The following FGGY variants were observed in gnomAD, a reference collection of about 807,000 sequenced individuals.
FGGY encodes the protein FGGY carbohydrate kinase domain-containing protein.
A neutral mutation model predicts 71.3 loss-of-function variants in FGGY; 72 were observed. That is an observed-to-expected ratio of 1.01 (90% CI 0.84 to 1.23). The LOEUF (loss-of-function observed/expected upper bound fraction) is 1.23. Ranked by LOEUF, FGGY falls within the 50% of genes most tolerant of loss-of-function variation. The pLI is 0.00. For synonymous variants in FGGY, 251 were observed against 250.3 expected (o/e 1.00, Z -0.02); for missense variants, 668 against 682.3 (o/e 0.98, Z 0.23).
chr1:59,371,029 AT>A (rs1388936466), intron 4 of FGGY, among the ~76,000 whole-genome samples: 2 of 151,968 alleles, frequency 1.3e-5, no homozygotes, highest in Non-Finnish European at 2.9e-5. Flanking sequence ...TAACATCATA[AT>A]GACAGGATCA....
Position 59,321,544 on chromosome 1 carries a change from A to G in FGGY, c.-6A>G. The G allele has an allele frequency of 6.2e-7, 1 of 1,613,722 alleles. No homozygotes were observed. ...ACACTTGCTTACTATAGGTGGAGGA[A>G]CTGCAATGTCTGGTGGAGAACAGAA... On this transcript the variant is annotated 5_prime_UTR_variant, in exon 2 of 16. Coordinates refer to ENST00000303721, the MANE Select transcript of FGGY (RefSeq NM_018291.5).
intron 14 of FGGY, among the ~76,000 whole-genome samples, chr1:59,737,889 A>G (rs1023393082): frequency 2.0e-5 from 3 of 152,306 alleles, no homozygotes; most frequent in Non-Finnish European, 4.4e-5. Context: ...GTTCCCACCC[A>G]CATCTCACCT....
chr1:59,394,371 T>G (rs1360779267), intron 5 of FGGY, among the ~76,000 whole-genome samples: 3 of 152,332 alleles, frequency 2.0e-5, no homozygotes, highest in South Asian at 4.1e-4. Context: ...GAGAGCATCC[T>G]TCATGGAGGA....
intron 14 of FGGY, chr1:59,698,984 C>A (rs920301332): frequency 1.0e-6 from 1 of 985,024 alleles, no homozygotes; most frequent in Non-Finnish European, 1.2e-6. Flanking sequence ...TAAATGAAAA[C>A]CATGTTTAAA....
chr1:59,458,096 G>A (rs2091886920), intron 6 of FGGY, among the ~76,000 whole-genome samples: 1 of 152,186 alleles, frequency 6.6e-6, no homozygotes, highest in Non-Finnish European at 1.5e-5. Context: ...GACCTAGAAG[G>A]AACTAATATT....
chr1:59,456,299 C>A (rs1014216372), intron 5 of FGGY, among the ~76,000 whole-genome samples: 1 of 152,074 alleles, frequency 6.6e-6, no homozygotes, highest in Non-Finnish European at 1.5e-5. Flanking sequence ...CCACAACTAC[C>A]AATATCATAT....
chr1:59,336,479 G>GGTT (rs113373106), intron 2 of FGGY, among the ~76,000 whole-genome samples: 3 of 143,860 alleles, frequency 2.1e-5, no homozygotes, highest in African/African-American at 7.8e-5. Flanking sequence ...AAACCTGCTA[G>GGTT]TTTTTTTTTT....
chr1:59,297,043 T>A (rs2042042145), upstream of FGGY: 3 of 147,674 alleles, frequency 2.0e-5, no homozygotes, highest in South Asian at 2.0e-4. Flanking sequence ...AGTCGTTGCC[T>A]CCTCCTCCCC....
Position 59,375,791 on chromosome 1 carries a change from G to T in FGGY, c.466-2958G>T, listed in dbSNP as rs111699329. ...CTTTGTGACATTCTACTTGGGTTCT[G>T]TTGTCCCACAGTGGCTGGCTGTGTG... On this transcript the variant is annotated intron_variant, in intron 4 of 15. Transcript: ENST00000303721. 4.6e-5 allele frequency among the ~76,000 whole-genome samples: 7 copies of T among 150,672 alleles called. 1 individual carries two copies. The highest frequency in any genetic ancestry group is 1.7e-4 in the African/African-American group (7 of 41,002).
chr1:59,469,874 T>G (rs2092849724), intron 6 of FGGY, among the ~76,000 whole-genome samples: 1 of 152,186 alleles, frequency 6.6e-6, no homozygotes, highest in Admixed American at 6.5e-5. Context: ...CCTGTGTTAG[T>G]TGCTAAGAAT....
At chr1:59,330,800 G>A (rs887529169) in intron 2 of FGGY, among the ~76,000 whole-genome samples, 2 of 152,084 alleles carry the variant, frequency 1.3e-5, no homozygotes, top group African/African-American at 2.4e-5. Context: ...TAGAATTGAC[G>A]ATACAGGGGT....
chr1:59,650,131 G>A lies in FGGY; in HGVS notation c.1222-10088G>A, dbSNP rs538448866. Reference sequence around the variant, plus strand: ...GATCATGGTGGATAAGCTTTTTGATGTGCTGCTGGATTTGGTTTGCCAGTA... The same window carrying A: ...GATCATGGTGGATAAGCTTTTTGATATGCTGCTGGATTTGGTTTGCCAGTA... On this transcript the variant is annotated intron_variant, in intron 11 of 15. Transcript: ENST00000303721. 1.1e-4 allele frequency among the ~76,000 whole-genome samples: 17 copies of A among 148,276 alleles called. 1 individual carries two copies. In the South Asian group the frequency reaches 1.9e-3, roughly 16 times the overall value.
intron 5 of FGGY, among the ~76,000 whole-genome samples, chr1:59,453,798 A>C (rs1163304381): frequency 6.6e-6 from 1 of 152,160 alleles, no homozygotes; most frequent in Non-Finnish European, 1.5e-5. Flanking sequence ...AAATTCAGTC[A>C]TGTGACAGAA....
intron 1 of FGGY, among the ~76,000 whole-genome samples, chr1:59,307,313 CAAAAAAAAA>C (rs398049311): frequency 1.5e-5 from 1 of 67,382 alleles, no homozygotes; most frequent in African/African-American, 5.7e-5. Flanking sequence ...GACCCTGTCT[CAAAAAAAAA>C]AAAAAAAAAA....
At chr1:59,325,669 T>C (rs545053021) in intron 2 of FGGY, among the ~76,000 whole-genome samples, 15 of 152,338 alleles carry the variant, frequency 9.8e-5, no homozygotes, top group Admixed American at 9.8e-4. Flanking sequence ...GGTGCTCAAT[T>C]AATGGCTGTT....
At chr1:59,298,444 G>C (rs769979103) in intron 1 of FGGY, among the ~76,000 whole-genome samples, 10 of 152,216 alleles carry the variant, frequency 6.6e-5, no homozygotes, top group Non-Finnish European at 1.0e-4. Context: ...TGGGAGAAGG[G>C]CATAACCCCA....
intron 11 of FGGY, chr1:59,641,324 C>T (rs1445200837): frequency 6.2e-7 from 1 of 1,604,196 alleles, no homozygotes; most frequent in Admixed American, 1.7e-5. Context: ...CAGCGTTGCA[C>T]TCTCCCAGTT....
chr1:59,378,011 G>A (rs2058883214), intron 4 of FGGY, among the ~76,000 whole-genome samples: 1 of 152,122 alleles, frequency 6.6e-6, no homozygotes. Flanking sequence ...TTGGCATGTG[G>A]AGAATTTTAT....
At chr1:59,673,955 G>GT in intron 13 of FGGY, 84 bp from the exon 14 acceptor site, 1 of 1,171,912 alleles carries the variant, frequency 8.5e-7, no homozygotes, top group African/African-American at 1.5e-5. Flanking sequence ...GATGTCAGGT[G>GT]TTTTTGCCAC....
Sources: allele counts gnomAD v4.1 joint callset (sites outside exome capture counted in the v4.1 genomes callset), GRCh38; gene constraint gnomAD v4.1.1; transcripts MANE v1.5; gene names NCBI Gene and HGNC (gene_info 2026-07-23, HGNC 2026-07-21).